Variants in RFFL observed in about 807,000 individuals in gnomAD.
RFFL encodes ring finger and FYVE like domain containing E3 ubiquitin protein ligase.
In RFFL, 16 loss-of-function variants were observed where a neutral mutation model predicts 40.4. The ratio of observed to expected loss-of-function variants is 0.40; its 90% CI spans 0.27 to 0.60. The LOEUF is 0.60. RFFL is among the 20% of genes least tolerant of loss of function. RFFL has a pLI of 0.47. For synonymous variants in RFFL, 154 were observed against 167.9 expected, an observed-to-expected ratio of 0.92 and a Z score of 0.64; for missense variants, 367 against 451.7, an observed-to-expected ratio of 0.81 and a Z score of 1.70.
intron 1 of RFFL, among the ~76,000 whole-genome samples, chr17:35,073,211 A>T (rs1597842313): frequency 6.6e-6 from 1 of 152,156 alleles, no homozygotes; most frequent in East Asian, 1.9e-4. Context: ...AACTATCTGA[A>T]ATACATTCAG....
In RFFL at chr17:35,016,353, T is replaced by C. The variant is rs1342211738; in HGVS notation, c.886+17A>G. ...ACTCCTGAGCTCTGTAAAGCTACCA[T>C]GCAGATAGCCCCTCACCCAGGTGCT... On this transcript the variant is annotated intron_variant, in intron 5 of 6. Transcript: ENST00000394597. 1.9e-6 allele frequency: 3 copies of C among 1,607,868 alleles called. No homozygotes were observed. In the African/African-American group the frequency reaches 4.0e-5, roughly 21 times the overall value.
At chr17:35,039,649 C>T (rs902516714) in intron 1 of RFFL, among the ~76,000 whole-genome samples, 1 of 152,004 alleles carries the variant, frequency 6.6e-6, no homozygotes, top group African/African-American at 2.4e-5. Context: ...CTGTGATCTC[C>T]TCTAAATCAA....
chr17:35,068,712 T>C lies in RFFL; in HGVS notation c.-9+20393A>G, dbSNP rs191473881. 1.2e-3 allele frequency among the ~76,000 whole-genome samples: 189 copies of C among 152,274 alleles called. 1 individual carries two copies. In the East Asian group the frequency reaches 0.024, roughly 19 times the overall value. ...CACAATGAAATACTAGGTTCCTGTA[T>C]GTCAGTAATTGAAAAAGTAGCAAGC... is the stretch of plus-strand genomic sequence containing the variant. On this transcript the variant is annotated intron_variant, in intron 1 of 6. Coordinates refer to the RFFL transcript ENST00000315249.
chr17:35,017,596 T>C lies in RFFL; in HGVS notation c.602A>G (p.His201Arg), dbSNP rs146182533. The change falls in exon 4 of 7, where the codon CAT (histidine) becomes CGT (arginine). Residue 201 changes from histidine to arginine, a missense_variant. Coordinates refer to ENST00000394597, the MANE Select transcript of RFFL (RefSeq NM_001017368.2). Reference protein sequence around the residue: ...QVQENQQANGHVSQDQEEPVY... With the variant: ...QVQENQQANGRVSQDQEEPVY... ...GGGTTCCTCTTGATCCTGAGACACA[T>C]GGCCATTGGCCTGTGGGAAGAGAAA... is the stretch of plus-strand genomic sequence containing the variant. The C allele has an allele frequency of 1.2e-6, 2 of 1,609,094 alleles. No homozygotes were observed. Among genetic ancestry groups the C allele is most frequent in the Admixed American group, 1.7e-5 (1 of 59,574 alleles).
In RFFL at chr17:35,011,085, G is replaced by T. The variant is rs1374013163; in HGVS notation, c.*883C>A. 6.6e-6 allele frequency: 1 copy of T among 152,188 alleles called. No homozygotes were observed. Among genetic ancestry groups the T allele is most frequent in the Non-Finnish European group, 1.5e-5 (1 of 68,036 alleles). The allele number at this position is 152,188 out of a possible 1,614,324, so 9.4% of individuals were successfully genotyped here. ...AAAGTGGCTTAAGACTTCTAGTTGG[G>T]AAAAGGATCAGAAGCCAAGCCAAAA... is the stretch of plus-strand genomic sequence containing the variant. On this transcript the variant is annotated 3_prime_UTR_variant, in exon 7 of 7. Coordinates refer to ENST00000394597, the MANE Select transcript of RFFL (RefSeq NM_001017368.2).
At chr17:35,081,710 G>A (rs1351486460) in intron 1 of RFFL, among the ~76,000 whole-genome samples, 3 of 152,086 alleles carry the variant, frequency 2.0e-5, no homozygotes, top group Admixed American at 6.6e-5. Flanking sequence ...TCAAATGACA[G>A]TAAAATCACC....
chr17:35,043,357 T>C (rs2091178561), intron 1 of RFFL, among the ~76,000 whole-genome samples: 1 of 152,134 alleles, frequency 6.6e-6, no homozygotes, highest in Non-Finnish European at 1.5e-5. Flanking sequence ...AGGGGGATCA[T>C]AACTTCACTG....
At chr17:35,082,971 G>C (rs1336697946) in intron 1 of RFFL, among the ~76,000 whole-genome samples, 1 of 152,152 alleles carries the variant, frequency 6.6e-6, no homozygotes, top group Admixed American at 6.6e-5. Flanking sequence ...TTTTAAATCA[G>C]ATGGTTCTAT....
At chr17:35,016,625 C>A in intron 4 of RFFL, 45 bp from the exon 5 acceptor site, 1 of 1,513,760 alleles carries the variant, frequency 6.6e-7, no homozygotes, top group South Asian at 1.1e-5. Context: ...TCTTACCTCC[C>A]CAAGCTCTTT....
At chr17:35,054,750 A>C (rs1481690908) in intron 1 of RFFL, among the ~76,000 whole-genome samples, 1 of 152,158 alleles carries the variant, frequency 6.6e-6, no homozygotes, top group Non-Finnish European at 1.5e-5. Context: ...CCTGGGTCAG[A>C]CAGAACTCAT....
chr17:35,087,143 T>C (rs1361101807), intron 1 of RFFL, among the ~76,000 whole-genome samples: 1 of 152,128 alleles, frequency 6.6e-6, no homozygotes, highest in African/African-American at 2.4e-5. Flanking sequence ...GAGGATTGCT[T>C]GAGCCCAGTT....
intron 1 of RFFL, among the ~76,000 whole-genome samples, chr17:35,068,932 T>G (rs1021377202): frequency 1.1e-4 from 17 of 152,126 alleles, no homozygotes; most frequent in African/African-American, 4.1e-4. Context: ...AGGCTATTTC[T>G]TAGTTTTCTG....
At chr17:35,080,693 T>A (rs1216394202) in intron 1 of RFFL, among the ~76,000 whole-genome samples, 1 of 152,126 alleles carries the variant, frequency 6.6e-6, no homozygotes, top group Non-Finnish European at 1.5e-5. Context: ...TTCCTGTAAG[T>A]TTCAAGATGA....
intron 1 of RFFL, among the ~76,000 whole-genome samples, chr17:35,046,911 T>C (rs886117379): frequency 3.9e-5 from 6 of 152,236 alleles, no homozygotes; most frequent in Non-Finnish European, 8.8e-5. Context: ...CCAGGCATTC[T>C]GCCCCAAAGG....
chr17:35,075,983 A>ATTTT (rs1485493411), intron 1 of RFFL, among the ~76,000 whole-genome samples: 5 of 124,724 alleles, frequency 4.0e-5, no homozygotes, highest in African/African-American at 1.7e-4. Flanking sequence ...CTATCAATTT[A>ATTTT]TTCTTTTTTT....
upstream of RFFL, among the ~76,000 whole-genome samples, chr17:35,066,276 C>T (rs2022829648): frequency 6.6e-6 from 1 of 152,130 alleles, no homozygotes; most frequent in Non-Finnish European, 1.5e-5. Flanking sequence ...TTTGAACAGA[C>T]ATATGTGATG....
At chr17:35,028,897 G>A (rs2091062517) in intron 1 of RFFL, among the ~76,000 whole-genome samples, 1 of 151,914 alleles carries the variant, frequency 6.6e-6, no homozygotes, top group African/African-American at 2.4e-5. Flanking sequence ...CCTTGCAGGG[G>A]TCTCTGATTA....
At chr17:35,062,800 G>A (rs561118515) in intron 1 of RFFL, among the ~76,000 whole-genome samples, 161 of 152,314 alleles carry the variant, frequency 1.1e-3, no homozygotes, top group Non-Finnish European at 1.8e-3. Flanking sequence ...GTCTGATTAG[G>A]TGAAGGACTC....
intron 1 of RFFL, among the ~76,000 whole-genome samples, chr17:35,039,787 C>T (rs1388778157): frequency 2.0e-5 from 3 of 152,024 alleles, no homozygotes; most frequent in Admixed American, 2.0e-4. Flanking sequence ...AAGCAATTCT[C>T]CTGCCTCAGC....
Sources: allele counts gnomAD v4.1 joint callset (sites outside exome capture counted in the v4.1 genomes callset), GRCh38; gene constraint gnomAD v4.1.1; transcripts MANE v1.5; gene names NCBI Gene and HGNC (gene_info 2026-07-23, HGNC 2026-07-21).